The following GPC5 variants were observed in gnomAD, a reference collection of about 807,000 sequenced individuals.
The protein encoded by GPC5 is glypican 5, also known as glypican-5.
A neutral mutation model predicts 53.9 loss-of-function variants in GPC5; 47 were observed. The ratio of observed to expected loss-of-function variants is 0.87; its 90% confidence interval spans 0.69 to 1.11. GPC5 has a LOEUF of 1.11. Ranked by LOEUF, GPC5 falls within the 50% of genes most tolerant of loss-of-function variation. The pLI, the probability that GPC5 is intolerant of heterozygous loss-of-function variation, is 0.00. For missense variants in GPC5, 748 were observed against 713.1 expected (o/e 1.05, Z -0.56); for synonymous variants, 286 against 263.3 (o/e 1.09, Z -0.84).
chr13:92,728,541 C>A (rs188892297), intron 7 of GPC5, among the ~76,000 whole-genome samples: 22 of 151,380 alleles, frequency 1.5e-4, no homozygotes, highest in Non-Finnish European at 2.8e-4. Context: ...ACAGAGAAAG[C>A]CTCAACATTT....
At chr13:91,753,680 G>A (rs2037227820) in intron 4 of GPC5, among the ~76,000 whole-genome samples, 2 of 152,140 alleles carry the variant, frequency 1.3e-5, no homozygotes, top group South Asian at 4.1e-4. Flanking sequence ...TGATAAAATG[G>A]TTTCTTCTTA....
At chr13:92,245,865 T>A (rs2042646560) in intron 7 of GPC5, among the ~76,000 whole-genome samples, 1 of 152,164 alleles carries the variant, frequency 6.6e-6, no homozygotes, top group South Asian at 2.1e-4. Flanking sequence ...TTTTGTGGAA[T>A]ATACTTTTTG....
intron 2 of GPC5, among the ~76,000 whole-genome samples, chr13:91,521,392 A>G (rs184855810): frequency 6.2e-4 from 94 of 152,320 alleles, no homozygotes; most frequent in Non-Finnish European, 1.1e-3. Context: ...AACACATGCC[A>G]AAGAACAATT....
At chr13:91,552,158 G>A (rs1222753294) in intron 2 of GPC5, among the ~76,000 whole-genome samples, 1 of 151,948 alleles carries the variant, frequency 6.6e-6, no homozygotes, top group East Asian at 1.9e-4. Flanking sequence ...TCATATTAGA[G>A]ATGAAATGAG....
intron 7 of GPC5, among the ~76,000 whole-genome samples, chr13:92,367,697 T>C (rs1261665988): frequency 1.3e-5 from 2 of 152,214 alleles, no homozygotes; most frequent in Non-Finnish European, 2.9e-5. Context: ...GTAAATAGAA[T>C]GATTTAACGT....
chr13:91,687,183 C>T (rs908832036), intron 2 of GPC5, among the ~76,000 whole-genome samples: 2 of 151,902 alleles, frequency 1.3e-5, no homozygotes, highest in African/African-American at 4.8e-5. Flanking sequence ...TATCTTTAAA[C>T]TAATAAAAGC....
intron 1 of GPC5, among the ~76,000 whole-genome samples, chr13:91,432,458 T>C (rs887653886): frequency 3.3e-5 from 5 of 152,200 alleles, no homozygotes; most frequent in African/African-American, 1.2e-4. Context: ...GTATGAACAT[T>C]AATCAACCAT....
intron 6 of GPC5, among the ~76,000 whole-genome samples, chr13:91,956,569 A>G (rs912698881): frequency 6.6e-6 from 1 of 152,154 alleles, no homozygotes; most frequent in Non-Finnish European, 1.5e-5. Flanking sequence ...CTGGATCCCA[A>G]GGAAAGGCAT....
chr13:92,071,766 C>T (rs1185625417), intron 6 of GPC5, among the ~76,000 whole-genome samples: 2 of 150,192 alleles, frequency 1.3e-5, no homozygotes, highest in African/African-American at 2.4e-5. Flanking sequence ...TATGTTTTTT[C>T]AAGAGAAAAG....
intron 7 of GPC5, among the ~76,000 whole-genome samples, chr13:92,666,955 C>T (rs1886591093): frequency 6.6e-6 from 1 of 152,070 alleles, no homozygotes; most frequent in Admixed American, 6.6e-5. Flanking sequence ...GGTTCTATTC[C>T]ATTCTTAACT....
At chr13:92,041,180 T>C (rs781382553) in intron 6 of GPC5, among the ~76,000 whole-genome samples, 3 of 152,168 alleles carry the variant, frequency 2.0e-5, no homozygotes, top group Non-Finnish European at 4.4e-5. Context: ...AATTAAACAA[T>C]AGTAAAAGTG....
intron 5 of GPC5, among the ~76,000 whole-genome samples, chr13:91,814,644 G>A (rs1167104569): frequency 2.0e-5 from 3 of 151,980 alleles, no homozygotes; most frequent in African/African-American, 2.4e-5. Context: ...GGGTTCAAGC[G>A]ATTCTTCTGT....
At chr13:92,365,332 A>G (rs2043599180) in intron 7 of GPC5, among the ~76,000 whole-genome samples, 1 of 151,806 alleles carries the variant, frequency 6.6e-6, no homozygotes, top group South Asian at 2.1e-4. Context: ...TATAGTAGAT[A>G]AAAGGTGTTA....
chr13:92,587,305 T>C (rs1178263144), intron 7 of GPC5, among the ~76,000 whole-genome samples: 1 of 152,214 alleles, frequency 6.6e-6, no homozygotes, highest in African/African-American at 2.4e-5. Flanking sequence ...TAACACATAT[T>C]ATGTTTTAAT....
intron 2 of GPC5, among the ~76,000 whole-genome samples, chr13:91,637,664 C>A (rs1414408036): frequency 2.6e-5 from 4 of 152,138 alleles, no homozygotes; most frequent in Admixed American, 2.6e-4. Context: ...AATATTGAAT[C>A]CACCTATCCA....
intron 5 of GPC5, among the ~76,000 whole-genome samples, chr13:91,819,333 G>A (rs1413157346): frequency 1.3e-5 from 2 of 151,408 alleles, no homozygotes; most frequent in African/African-American, 4.9e-5. Flanking sequence ...CTAATTTTTT[G>A]TATGTTTAGT....
At chr13:92,432,854 T>C (rs764009861) in intron 7 of GPC5, among the ~76,000 whole-genome samples, 2 of 152,102 alleles carry the variant, frequency 1.3e-5, no homozygotes, top group African/African-American at 4.8e-5. Context: ...TTTCCTTTCC[T>C]TTTGTATGTG....
At chr13:92,209,605 T>C (rs933769883) in intron 7 of GPC5, among the ~76,000 whole-genome samples, 7 of 152,112 alleles carry the variant, frequency 4.6e-5, no homozygotes, top group African/African-American at 1.7e-4. Flanking sequence ...TTAATCACAG[T>C]TAATGCTCCC....
intron 1 of GPC5, among the ~76,000 whole-genome samples, chr13:91,440,152 G>A (rs564604985): frequency 1.3e-5 from 2 of 152,226 alleles, no homozygotes; most frequent in South Asian, 4.1e-4. Flanking sequence ...AAAATTTACA[G>A]TAATTTTTTC....
Sources: allele counts gnomAD v4.1 joint callset (sites outside exome capture counted in the v4.1 genomes callset), GRCh38; gene constraint gnomAD v4.1.1; transcripts MANE v1.5; gene names NCBI Gene and HGNC (gene_info 2026-07-23, HGNC 2026-07-21).